ZNF33B: variants seen among roughly 807,000 people sequenced by gnomAD.
The protein encoded by ZNF33B is zinc finger protein 33B.
Under a neutral mutation model 45.8 loss-of-function variants are expected in ZNF33B, and 29 were observed. That is an observed-to-expected ratio of 0.63 (90% confidence interval 0.47 to 0.86). ZNF33B has a LOEUF of 0.86. ZNF33B is among the 40% of genes least tolerant of loss of function. The pLI is 0.00. For synonymous variants in ZNF33B, 305 were observed against 307.8 expected (o/e 0.99, Z 0.10); for missense variants, 831 against 909.9 (o/e 0.91, Z 1.12).
rs777600394 is a variant in ZNF33B at position 42,594,183 on chromosome 10, A to G, written c.767T>C (p.Phe256Ser). 3 of 1,613,690 alleles carry G rather than the reference A, an allele frequency of 1.9e-6. No individual in the cohort carries two copies. The highest frequency in any genetic ancestry group is 1.7e-5 in the Admixed American group (1 of 59,966). The change falls in exon 5 of 5, where the codon TTC (phenylalanine) becomes TCC (serine). Residue 256 changes from phenylalanine (F) to serine (S), a missense_variant. Physicochemically the swap from Phe to Ser is radical, Grantham distance 155 (BLOSUM62 -2). Transcript: ENST00000359467. ...NCDYNEFGRT[F>S]CDSSSLLFHQ... ...GAACAAGAGGGATGAACTATCACAG[A>G]AAGTTCTCCCAAATTCATTATAGTC...
downstream of ZNF33B, among the ~76,000 whole-genome samples, chr10:42,584,360 T>C (rs908540751): frequency 1.3e-5 from 2 of 152,106 alleles, no homozygotes; most frequent in Non-Finnish European, 2.9e-5. Context: ...CAACAAGGTC[T>C]GCAAGACACA....
intron 2 of ZNF33B, 34 bp from the exon 3 acceptor site, chr10:42,632,473 G>C: frequency 1.2e-6 from 2 of 1,606,806 alleles, no homozygotes; most frequent in South Asian, 1.1e-5. Context: ...CATGAAAAAA[G>C]AAGTATGGGC....
Position 42,594,686 on chromosome 10 carries a change from A to C in ZNF33B, c.264T>G (p.Ala88=). The change falls in exon 5 of 5, where the codon GCT becomes GCG. Residue 88 remains alanine, a synonymous_variant. Transcript: ENST00000359467. ...CTTGGCTCCTCTCTTTCAGGTGATC[A>C]GCTGTCCAGACTTCTACAAACAAAC... The part of the protein sequence containing the change: ...PSQSFPEVWT[A]DHLKERSQEN... 6.3e-7 allele frequency: 1 copy of C among 1,578,788 alleles called. No individual in the cohort carries two copies. Among genetic ancestry groups the C allele is most frequent in the South Asian group, 1.2e-5 (1 of 83,936 alleles).
rs2132034677 is a variant in ZNF33B at position 42,592,734 on chromosome 10, T to C, written c.2216A>G (p.His739Arg). 2 of 1,614,158 alleles carry C rather than the reference T, an allele frequency of 1.2e-6. No homozygotes were observed. Among genetic ancestry groups the C allele is most frequent in the Non-Finnish European group, 1.7e-6 (2 of 1,179,998 alleles). ...IFYRKSDLAK[H>R]QRSHTGEKPY... ...CTTTTCCCCTGTATGTGATCTCTGA[T>C]GTTTAGCAAGGTCTGATTTACGGTA... The change falls in exon 5 of 5, where the codon CAT becomes CGT. Residue 739 changes from histidine (H) to arginine (R), a missense_variant. By Grantham distance (29) the His-to-Arg change is conservative. Transcript: ENST00000359467.
chr10:42,612,884 T>C (rs1190233637), intron 4 of ZNF33B, among the ~76,000 whole-genome samples: 7 of 152,204 alleles, frequency 4.6e-5, no homozygotes, highest in African/African-American at 7.2e-5. Flanking sequence ...TCAATTTATT[T>C]AACTGATATT....
chr10:42,633,840 G>A (rs1035492200), intron 2 of ZNF33B, among the ~76,000 whole-genome samples: 1 of 151,928 alleles, frequency 6.6e-6, no homozygotes, highest in African/African-American at 2.4e-5. Context: ...GTGGTGGCAG[G>A]CACCTGTAAT....
At chr10:42,585,085 G>A (rs1162881015), downstream of ZNF33B, among the ~76,000 whole-genome samples, 1 of 152,196 alleles carries the variant, frequency 6.6e-6, no homozygotes, top group African/African-American at 2.4e-5. Flanking sequence ...CATGTCCTGG[G>A]ACAAGACTAA....
rs373651113 is a variant in ZNF33B, at chr10:42,626,558, T to C, written c.250+5371A>G. Among the ~76,000 whole-genome samples, 9 of 152,130 alleles carry C rather than the reference T, an allele frequency of 5.9e-5. No homozygotes were observed. In the East Asian group the frequency reaches 9.7e-4, roughly 16 times the overall value. On this transcript the variant is annotated intron_variant, in intron 4 of 4. Coordinates refer to ENST00000359467, the MANE Select transcript of ZNF33B (RefSeq NM_006955.3). ...CAAAAATTAGCCGAGCATGGTCGCA[T>C]GCGCCTGTAGTCACAGCTACTCAGG...
chr10:42,582,345 G>C (rs753096210), intron 1 of ZNF33B: 1 of 152,190 alleles, frequency 6.6e-6, no homozygotes, highest in Non-Finnish European at 1.5e-5. Context: ...AGTGAATTTT[G>C]ATCAGAGGTC....
In ZNF33B at chr10:42,593,353, T is replaced by C; in HGVS notation, c.1597A>G (p.Thr533Ala). The change falls in exon 5 of 5, where the codon ACC becomes GCC. Residue 533 changes from threonine to alanine, a missense_variant. Coordinates refer to ENST00000359467, the MANE Select transcript of ZNF33B (RefSeq NM_006955.3). ...GTGAGGTCTGACTTCAAGCAGAAGG[T>C]TTTCCCACATTCATAACATTCATAA... is the stretch of plus-strand genomic sequence containing the variant. ...KPYECYECGKTFCLKSDLTIH... is the reference protein window; with the variant it reads ...KPYECYECGKAFCLKSDLTIH... 6.2e-7 allele frequency: 1 copy of C among 1,613,482 alleles called. No individual in the cohort carries two copies. The highest frequency in any genetic ancestry group is 1.3e-5 in the African/African-American group (1 of 74,842).
intron 1 of ZNF33B, among the ~76,000 whole-genome samples, chr10:42,580,368 G>T (rs183273024): frequency 6.8e-4 from 104 of 152,160 alleles, no homozygotes; most frequent in African/African-American, 2.3e-3. Flanking sequence ...ACCCTCCCAA[G>T]TAGCTGGGAT....
At chr10:42,614,814 C>A (rs1408856279) in intron 4 of ZNF33B, among the ~76,000 whole-genome samples, 1 of 151,916 alleles carries the variant, frequency 6.6e-6, no homozygotes, top group Admixed American at 6.6e-5. Flanking sequence ...ATTAGCCAGG[C>A]GTGGTGGTGG....
intron 4 of ZNF33B, among the ~76,000 whole-genome samples, chr10:42,597,760 A>G (rs1348536176): frequency 6.6e-6 from 1 of 152,186 alleles, no homozygotes; most frequent in Non-Finnish European, 1.5e-5. Flanking sequence ...GTTTTGGTAT[A>G]TATAGACAAA....
chr10:42,637,029 C>T (rs937682081), intron 1 of ZNF33B, 57 bp from the exon 2 acceptor site: 7 of 1,571,044 alleles, frequency 4.5e-6, no homozygotes, highest in South Asian at 2.2e-5. Context: ...TGGCAACTCC[C>T]GGATTCTTCT....
chr10:42,581,499 CG>C (rs2132014201), intron 1 of ZNF33B: 1 of 147,112 alleles, frequency 6.8e-6, no homozygotes, highest in East Asian at 2.0e-4. Flanking sequence ...AGTGTGTCCA[CG>C]GGAAGACATG....
chr10:42,637,225 G>C (rs1199142956), intron 1 of ZNF33B, among the ~76,000 whole-genome samples: 1 of 152,142 alleles, frequency 6.6e-6, no homozygotes, highest in Non-Finnish European at 1.5e-5. Flanking sequence ...GCTTCCTAAG[G>C]ATTTCAATCT....
rs370927770 is a variant in ZNF33B, at chr10:42,636,972, G to C, written c.-44C>G. 48 of 1,613,728 alleles carry C rather than the reference G, an allele frequency of 3.0e-5. No homozygotes were observed. Among genetic ancestry groups the C allele is most frequent in the Non-Finnish European group, 4.0e-5 (47 of 1,179,856 alleles). On this transcript the variant is annotated splice_region_variant and 5_prime_UTR_variant, in exon 2 of 5. Transcript: ENST00000359467. ...AGACGGAGACAACTCTGAAGATACAGCTGAGTTGGAAAAAGAGGAATGGGG... is the reference window on the plus strand; with the variant it reads ...AGACGGAGACAACTCTGAAGATACACCTGAGTTGGAAAAAGAGGAATGGGG...
At chr10:42,576,807 CAG>C (rs1205154063) in intron 1 of ZNF33B, among the ~76,000 whole-genome samples, 1 of 152,112 alleles carries the variant, frequency 6.6e-6, no homozygotes, top group Admixed American at 6.6e-5. Flanking sequence ...TAATCTCTTG[CAG>C]AGAGAACTAA....
At chr10:42,616,789 G>A (rs772953815) in intron 4 of ZNF33B, among the ~76,000 whole-genome samples, 14 of 152,042 alleles carry the variant, frequency 9.2e-5, no homozygotes, top group Non-Finnish European at 1.3e-4. Context: ...TCCGCCTCCC[G>A]GATTCAAGCA....
Sources: allele counts gnomAD v4.1 joint callset (sites outside exome capture counted in the v4.1 genomes callset), GRCh38; gene constraint gnomAD v4.1.1; transcripts MANE v1.5; gene names NCBI Gene and HGNC (gene_info 2026-07-23, HGNC 2026-07-21).